ENAH: variants seen among roughly 807,000 people sequenced by gnomAD.
ENAH encodes the protein protein enabled homolog.
A neutral mutation model predicts 78.7 loss-of-function variants in ENAH; 23 were observed. The observed-to-expected ratio is 0.29, with a 90% CI of 0.21 to 0.41. The LOEUF is 0.41. Ranked by LOEUF, ENAH falls within the 10% of genes least tolerant of loss-of-function variation. ENAH has a pLI of 1.00. For missense variants in ENAH, 544 were observed against 691.0 expected, an observed-to-expected ratio of 0.79 and a Z score of 2.39; for synonymous variants, 226 against 241.0, an observed-to-expected ratio of 0.94 and a Z score of 0.58.
chr1:225,548,999 G>A (rs1474621748), intron 3 of ENAH, among the ~76,000 whole-genome samples: 4 of 151,894 alleles, frequency 2.6e-5, no homozygotes, highest in African/African-American at 7.3e-5. Flanking sequence ...ACAGGTGCCC[G>A]CCACCACGCC....
At chr1:225,625,747 C>T (rs139228117) in intron 1 of ENAH, among the ~76,000 whole-genome samples, 437 of 152,160 alleles carry the variant, frequency 2.9e-3, no homozygotes, top group Middle Eastern at 6.8e-3. Flanking sequence ...AACTCCTGAC[C>T]CCAGGTGATC....
At chr1:225,534,140 A>G (rs539064462) in intron 3 of ENAH, among the ~76,000 whole-genome samples, 1 of 152,272 alleles carries the variant, frequency 6.6e-6, no homozygotes, top group East Asian at 1.9e-4. Context: ...AAAATGAGCT[A>G]AAGAGAGTCC....
chr1:225,487,234 G>T lies in ENAH; in HGVS notation c.*10541C>A, dbSNP rs2096204446. ...CTACTTTCTGGCAAGTCCTTCCTAG[G>T]TTGGCTCACAAGTGGTCCTCCTTTT... On this transcript the variant is annotated 3_prime_UTR_variant, in exon 14 of 14. Transcript: ENST00000366843. The T allele has an allele frequency of 6.6e-6, 1 of 152,208 alleles. No homozygotes were observed. The highest frequency in any genetic ancestry group is 2.4e-5 in the African/African-American group (1 of 41,434). 9.4% of individuals were successfully genotyped at this position (152,208 alleles called of 1,614,324 possible).
intron 10 of ENAH, among the ~76,000 whole-genome samples, chr1:225,509,261 A>C (rs916388501): frequency 6.6e-6 from 1 of 152,144 alleles, no homozygotes; most frequent in Non-Finnish European, 1.5e-5. Context: ...AATGAAACTG[A>C]GGGACACCGG....
chr1:225,641,531 C>T (rs886887318), intron 1 of ENAH, among the ~76,000 whole-genome samples: 1 of 145,576 alleles, frequency 6.9e-6, no homozygotes, highest in African/African-American at 2.5e-5. Flanking sequence ...GCACACTTCA[C>T]TAAAGATAAA....
intron 2 of ENAH, among the ~76,000 whole-genome samples, chr1:225,562,744 G>C (rs1367824652): frequency 2.0e-5 from 3 of 151,710 alleles, no homozygotes; most frequent in Admixed American, 6.6e-5. Flanking sequence ...TCTTACTATA[G>C]AAAGTTTAGA....
At chr1:225,646,825 T>C (rs868023722) in intron 1 of ENAH, among the ~76,000 whole-genome samples, 110 of 151,912 alleles carry the variant, frequency 7.2e-4, no homozygotes, top group African/African-American at 2.7e-3. Flanking sequence ...TAATTTTCTG[T>C]TGTTTAAGCC....
intron 1 of ENAH, among the ~76,000 whole-genome samples, chr1:225,597,615 G>A (rs907706465): frequency 2.9e-5 from 4 of 138,470 alleles, no homozygotes; most frequent in South Asian, 4.6e-4. Flanking sequence ...CCATGACTGC[G>A]CCACTGCCCT....
At position 225,652,807 on chromosome 1, in the gene ENAH, G is replaced by A. The variant is rs1027610574; in HGVS notation, c.-117C>T. ...GCTCGGAGACGGGAGACAAGTGTCC[G>A]GCTCCTCCTTCGGCGGCCAGGGGGC... is the stretch of plus-strand genomic sequence containing the variant. On this transcript the variant is annotated 5_prime_UTR_variant, in exon 1 of 14. Coordinates refer to ENST00000366843, the MANE Select transcript of ENAH (RefSeq NM_018212.6). The A allele has an allele frequency of 2.3e-6, 2 of 887,514 alleles. No homozygotes were observed. The highest frequency in any genetic ancestry group is 3.3e-5 in the East Asian group (1 of 30,080). 55.0% of individuals were successfully genotyped at this position (887,514 alleles called of 1,614,324 possible).
intron 1 of ENAH, among the ~76,000 whole-genome samples, chr1:225,588,674 G>A (rs551430623): frequency 2.0e-5 from 3 of 152,172 alleles, no homozygotes; most frequent in Non-Finnish European, 4.4e-5. Context: ...TGGGCTTGGT[G>A]GCGCATGCCT....
At chr1:225,636,277 C>A (rs1660046394) in intron 1 of ENAH, among the ~76,000 whole-genome samples, 1 of 152,146 alleles carries the variant, frequency 6.6e-6, no homozygotes, top group African/African-American at 2.4e-5. Context: ...TTTTTACAGA[C>A]TCAGAAAAAA....
chr1:225,521,957 G>A (rs971883685), intron 4 of ENAH, among the ~76,000 whole-genome samples: 7 of 151,964 alleles, frequency 4.6e-5, no homozygotes, highest in East Asian at 1.9e-4. Flanking sequence ...CACCATGCCC[G>A]GCTAATTTTT....
intron 5 of ENAH, among the ~76,000 whole-genome samples, chr1:225,518,849 A>T (rs1322775899): frequency 2.0e-5 from 3 of 152,194 alleles, no homozygotes; most frequent in Non-Finnish European, 4.4e-5. Flanking sequence ...TATTTGAGAC[A>T]ATTTAAGTGA....
chr1:225,579,589 TAGAG>T (rs992496407), intron 1 of ENAH, among the ~76,000 whole-genome samples: 3 of 152,138 alleles, frequency 2.0e-5, no homozygotes, highest in African/African-American at 7.2e-5. Flanking sequence ...TAGATACAGA[TAGAG>T]ATTCACACAG....
chr1:225,513,064 T>G, intron 7 of ENAH, 48 bp from the exon 8 acceptor site: 1 of 1,458,506 alleles, frequency 6.9e-7, no homozygotes, highest in Non-Finnish European at 9.2e-7. Context: ...TAGACAACCA[T>G]ATTTTTATTA....
rs1358098173 is a variant in ENAH, at chr1:225,519,193, C to T, written c.802+5G>A. ...AGAACACAGAAGAGTTTGTAAACTT[C>T]TTACCAGCACTTGATATTCTGCGCT... On this transcript the variant is annotated splice_donor_5th_base_variant and intron_variant, in intron 5 of 13. Coordinates refer to ENST00000366843, the MANE Select transcript of ENAH (RefSeq NM_018212.6). The T allele has an allele frequency of 6.2e-7, 1 of 1,612,662 alleles. No homozygotes were observed. The highest frequency in any genetic ancestry group is 8.5e-7 in the Non-Finnish European group (1 of 1,178,970).
At chr1:225,527,795 T>C (rs2151236963) in intron 4 of ENAH, among the ~76,000 whole-genome samples, 1 of 152,240 alleles carries the variant, frequency 6.6e-6, no homozygotes, top group South Asian at 2.1e-4. Flanking sequence ...CTTCTATGAC[T>C]GGAAACTCCT....
At chr1:225,628,773 G>A (rs756617650) in intron 1 of ENAH, among the ~76,000 whole-genome samples, 6 of 151,856 alleles carry the variant, frequency 4.0e-5, no homozygotes, top group Non-Finnish European at 5.9e-5. Context: ...CGGGCGTGGT[G>A]GTGCATGCCT....
intron 1 of ENAH, among the ~76,000 whole-genome samples, chr1:225,606,340 T>C (rs2096955352): frequency 6.6e-6 from 1 of 151,554 alleles, no homozygotes; most frequent in Non-Finnish European, 1.5e-5. Flanking sequence ...CAGGCACCTG[T>C]AATCCCAGCT....
Sources: allele counts gnomAD v4.1 joint callset (sites outside exome capture counted in the v4.1 genomes callset), GRCh38; gene constraint gnomAD v4.1.1; transcripts MANE v1.5; gene names NCBI Gene and HGNC (gene_info 2026-07-23, HGNC 2026-07-21).